The following VLDLR variants were observed in gnomAD, a reference collection of about 807,000 sequenced individuals.
The protein encoded by VLDLR is very low-density lipoprotein receptor.
A neutral mutation model predicts 112.7 loss-of-function variants in VLDLR; 81 were observed. That is an observed-to-expected ratio of 0.72 (90% confidence interval 0.60 to 0.86). The LOEUF (loss-of-function observed/expected upper bound fraction) is 0.86. VLDLR is among the 40% of genes least tolerant of loss of function. VLDLR has a pLI of 0.00. For missense variants in VLDLR, 1,237 were observed against 1,099.4 expected, an observed-to-expected ratio of 1.13 and a Z score of -1.77; for synonymous variants, 436 against 384.8, an observed-to-expected ratio of 1.13 and a Z score of -1.56.
At chr9:2,637,815 T>C (rs750009803) in intron 2 of VLDLR, among the ~76,000 whole-genome samples, 63 of 151,948 alleles carry the variant, frequency 4.1e-4, no homozygotes, top group Non-Finnish European at 7.9e-4. Flanking sequence ...TGGTGGCAGG[T>C]GCCTGTAGTC....
intron 2 of VLDLR, among the ~76,000 whole-genome samples, chr9:2,637,218 T>G (rs1279990643): frequency 1.3e-5 from 2 of 152,212 alleles, no homozygotes; most frequent in African/African-American, 4.8e-5. Context: ...GCTATAGAAT[T>G]ACTTAAAACT....
At chr9:2,642,684 A>G (rs928926138) in intron 4 of VLDLR, among the ~76,000 whole-genome samples, 1 of 152,178 alleles carries the variant, frequency 6.6e-6, no homozygotes, top group Non-Finnish European at 1.5e-5. Context: ...TATTTAAAGG[A>G]CCAAAAAGAG....
chr9:2,634,280 C>G (rs1817501658), intron 1 of VLDLR, among the ~76,000 whole-genome samples: 1 of 152,164 alleles, frequency 6.6e-6, no homozygotes, highest in South Asian at 2.1e-4. Context: ...CCAGTCTGTG[C>G]TTGTCTCTGT....
chr9:2,652,543 A>C (rs1347842601), intron 17 of VLDLR, among the ~76,000 whole-genome samples: 3 of 152,136 alleles, frequency 2.0e-5, no homozygotes, highest in Non-Finnish European at 4.4e-5. Context: ...GGGACCGAGG[A>C]CCCTGCCCTT....
intron 1 of VLDLR, among the ~76,000 whole-genome samples, chr9:2,630,040 C>T (rs10738748): frequency 0.47 from 71,955 of 151,966 alleles, 17,791 homozygotes; most frequent in Admixed American, 0.58. Flanking sequence ...GTGATCTGCC[C>T]GCCTCAGCCT....
In VLDLR at chr9:2,641,361, T is replaced by C. The variant is rs774394974; in HGVS notation, c.326-16T>C. 3 of 1,614,012 alleles carry C rather than the reference T, an allele frequency of 1.9e-6. No homozygotes were observed. The highest frequency in any genetic ancestry group is 2.2e-5 in the East Asian group (1 of 44,874). ...ATCAGTTCTGAGGCTCTTTTGAGACTGTATATCATCAACAGATATGAGAAC... is the reference window on the plus strand; with the variant it reads ...ATCAGTTCTGAGGCTCTTTTGAGACCGTATATCATCAACAGATATGAGAAC... On this transcript the variant is annotated splice_polypyrimidine_tract_variant and intron_variant, in intron 3 of 18. Transcript: ENST00000382100.
At chr9:2,630,154 T>C (rs1403185187) in intron 1 of VLDLR, among the ~76,000 whole-genome samples, 1 of 152,180 alleles carries the variant, frequency 6.6e-6, no homozygotes, top group Non-Finnish European at 1.5e-5. Flanking sequence ...ATCTTTGTGC[T>C]TGACAGCTCA....
chr9:2,623,246 C>T (rs1816920488), intron 1 of VLDLR, among the ~76,000 whole-genome samples: 1 of 152,186 alleles, frequency 6.6e-6, no homozygotes, highest in East Asian at 1.9e-4. Flanking sequence ...CCCGCCTGGT[C>T]GTCAGCCACG....
chr9:2,647,448 CTTAT>C, intron 11 of VLDLR, 22 bp from the exon 12 acceptor site: 1 of 1,593,536 alleles, frequency 6.3e-7, no homozygotes, highest in Non-Finnish European at 8.6e-7. Context: ...ACCACTGAGG[CTTAT>C]TTCTCATTTA....
At chr9:2,633,385 A>C (rs189703738) in intron 1 of VLDLR, among the ~76,000 whole-genome samples, 1 of 152,128 alleles carries the variant, frequency 6.6e-6, no homozygotes, top group South Asian at 2.1e-4. Flanking sequence ...CTGTATGCCC[A>C]TACTTAATCC....
In VLDLR at chr9:2,644,950, C is replaced by T; in HGVS notation, c.1187-7C>T. The T allele has an allele frequency of 1.4e-5, 22 of 1,614,162 alleles. No homozygotes were observed. Among genetic ancestry groups the T allele is most frequent in the Non-Finnish European group, 1.8e-5 (21 of 1,180,042 alleles). On this transcript the variant is annotated splice_region_variant and splice_polypyrimidine_tract_variant and intron_variant, in intron 8 of 18. Transcript: ENST00000382100. Reference sequence around the variant, plus strand: ...AGCAGCAAGACTAATTCTGATTTCCCTCCCAGATATTGATGAATGCCAAAA... The same window carrying T: ...AGCAGCAAGACTAATTCTGATTTCCTTCCCAGATATTGATGAATGCCAAAA...
At chr9:2,646,747 C>T (rs761715486) in intron 11 of VLDLR, among the ~76,000 whole-genome samples, 195 bp downstream of exon 11, 1 of 152,202 alleles carries the variant, frequency 6.6e-6, no homozygotes, top group Non-Finnish European at 1.5e-5. Context: ...GACAGGTCCT[C>T]CTGTCTGACT....
rs1817939574 is a variant in VLDLR, at chr9:2,643,888, T to C, written c.995T>C (p.Ile332Thr). 6 of 1,614,116 alleles carry C rather than the reference T, an allele frequency of 3.7e-6. No homozygotes were observed. Among genetic ancestry groups the C allele is most frequent in the Non-Finnish European group, 5.1e-6 (6 of 1,180,020 alleles). Residue 332 changes from isoleucine to threonine, a missense_variant, in exon 7 of 19, where the codon ATA (isoleucine) becomes ACA (threonine). Coordinates refer to ENST00000382100, the MANE Select transcript of VLDLR (RefSeq NM_003383.5). ...TTCAAGTGCAGAAGTGGAGAATGCA[T>C]AGATATCAGCAAAGTATGTAACCAG... ...GKFKCRSGEC[I>T]DISKVCNQEQ...
At position 2,643,235 on chromosome 9, in the gene VLDLR, G is replaced by T. The variant is rs750671755; in HGVS notation, c.524G>T (p.Gly175Val). 3 of 1,613,948 alleles carry T rather than the reference G, an allele frequency of 1.9e-6. No individual in the cohort carries two copies. The highest frequency in any genetic ancestry group is 2.5e-6 in the Non-Finnish European group (3 of 1,180,030). Residue 175 changes from glycine (G) to valine (V), a missense_variant, in exon 5 of 19, where the codon GGC becomes GTC. Physicochemically the swap from Gly to Val is moderately radical, Grantham distance 109. Transcript: ENST00000382100. The stretch of plus-strand genomic sequence containing the variant: ...ATCTCCAGGAACTTTGTATGCAATG[G>T]CCAGGATGACTGCAGCGATGGCAGT... ...RCISRNFVCN[G>V]QDDCSDGSDE...
In VLDLR at chr9:2,648,769, C is replaced by T. The variant is rs1818182940; in HGVS notation, c.2063C>T (p.Ala688Val). Reference sequence around the variant, plus strand: ...ACTCTAGTCAACAACCTGAATGATGCCCAAGACATCATTGTCTATCATGAA... The same window carrying T: ...ACTCTAGTCAACAACCTGAATGATGTCCAAGACATCATTGTCTATCATGAA... ...LATLVNNLND[A>V]QDIIVYHELV... The change falls in exon 14 of 19, where the codon GCC becomes GTC. Residue 688 changes from alanine (A) to valine (V), a missense_variant. Physicochemically the swap from Ala to Val is moderately conservative, Grantham distance 64. Coordinates refer to ENST00000382100, the MANE Select transcript of VLDLR (RefSeq NM_003383.5). 1.2e-6 allele frequency: 2 copies of T among 1,613,992 alleles called. No individual in the cohort carries two copies. The highest frequency in any genetic ancestry group is 2.7e-5 in the African/African-American group (2 of 74,882).
intron 1 of VLDLR, among the ~76,000 whole-genome samples, chr9:2,623,147 G>T (rs1330186086): frequency 2.0e-5 from 3 of 152,230 alleles, no homozygotes; most frequent in African/African-American, 4.8e-5. Context: ...AAGGAGCAGC[G>T]CGAGAGCGAG....
chr9:2,633,921 C>T lies in VLDLR; in HGVS notation c.83-1532C>T, dbSNP rs34307867. Among the ~76,000 whole-genome samples the T allele has an allele frequency of 8.9e-3, 1,351 of 152,260 alleles. 12 individuals are homozygous for T. Among genetic ancestry groups the T allele is most frequent in the Admixed American group, 0.013 (198 of 15,284 alleles). Reference sequence around the variant, plus strand: ...GTATAAAACAACACAGGTGATGCTTCCTGACAACAATCTCTACCCTCCTCT... The same window carrying T: ...GTATAAAACAACACAGGTGATGCTTTCTGACAACAATCTCTACCCTCCTCT... On this transcript the variant is annotated intron_variant, in intron 1 of 18. Transcript: ENST00000382100.
chr9:2,650,893 G>A (rs1361068251), intron 15 of VLDLR, among the ~76,000 whole-genome samples: 1 of 152,084 alleles, frequency 6.6e-6, no homozygotes, highest in Admixed American at 6.6e-5. Flanking sequence ...AGTGGGTGAC[G>A]CTACCCTAAA....
At chr9:2,624,640 G>C (rs1450609670) in intron 1 of VLDLR, among the ~76,000 whole-genome samples, 1 of 152,200 alleles carries the variant, frequency 6.6e-6, no homozygotes, top group Non-Finnish European at 1.5e-5. Context: ...CCTAAGAATA[G>C]AAAGAAAATT....
Sources: allele counts gnomAD v4.1 joint callset (sites outside exome capture counted in the v4.1 genomes callset), GRCh38; gene constraint gnomAD v4.1.1; transcripts MANE v1.5; gene names NCBI Gene and HGNC (gene_info 2026-07-23, HGNC 2026-07-21).